Variants in SCEL observed in about 807,000 individuals in gnomAD.
SCEL encodes the protein sciellin.
In SCEL, 113 loss-of-function variants were observed where a neutral mutation model predicts 117.6. That is an observed-to-expected ratio of 0.96 (90% confidence interval 0.83 to 1.12). The LOEUF (loss-of-function observed/expected upper bound fraction) is 1.12. SCEL is among the 50% of genes most tolerant of loss of function. The pLI is 0.00. For synonymous variants in SCEL, 270 were observed against 256.2 expected (o/e 1.05, Z -0.51); for missense variants, 785 against 810.8 (o/e 0.97, Z 0.39).
intron 31 of SCEL, among the ~76,000 whole-genome samples, chr13:77,642,268 G>A (rs1202821697): frequency 6.6e-6 from 1 of 152,100 alleles, no homozygotes; most frequent in Non-Finnish European, 1.5e-5. Context: ...GCTTCTGAAA[G>A]CCAACCAATC....
Position 77,632,554 on chromosome 13 carries a change from T to G in SCEL, c.1692-1825T>G, listed in dbSNP as rs768529329. Among the ~76,000 whole-genome samples the G allele has an allele frequency of 9.7e-4, 148 of 152,350 alleles. 1 individual carries two copies. Among genetic ancestry groups the G allele is most frequent in the African/African-American group, 3.0e-3 (126 of 41,586 alleles). ...CCTTAAAACCAGACGGTTTTCTGTA[T>G]GCCAGAGATAATATGTGAACAAATG... On this transcript the variant is annotated intron_variant, in intron 28 of 32. Coordinates refer to ENST00000349847, the MANE Select transcript of SCEL (RefSeq NM_144777.3).
rs1000147775 is a variant in SCEL, at chr13:77,640,747, A to G, written c.1910A>G (p.Asp637Gly). The change falls in exon 31 of 33, where the codon GAT (aspartate) becomes GGT (glycine). Residue 637 changes from aspartate to glycine, a missense_variant. Coordinates refer to ENST00000349847, the MANE Select transcript of SCEL (RefSeq NM_144777.3). ...PLGVETKMIL[D>G]ELQICCHSTC... Reference sequence around the variant, plus strand: ...GGTGTAGAAACTAAAATGATTTTAGATGAATTACAAATTTGCTGCCATTCT... The same window carrying G: ...GGTGTAGAAACTAAAATGATTTTAGGTGAATTACAAATTTGCTGCCATTCT... The G allele has an allele frequency of 1.2e-6, 2 of 1,604,138 alleles. No homozygotes were observed. Among genetic ancestry groups the G allele is most frequent in the African/African-American group, 1.3e-5 (1 of 74,634 alleles).
chr13:77,630,321 A>C (rs2089967002), intron 28 of SCEL, among the ~76,000 whole-genome samples: 1 of 152,224 alleles, frequency 6.6e-6, no homozygotes, highest in Non-Finnish European at 1.5e-5. Flanking sequence ...TGTGACTATG[A>C]GTGAAATTAA....
chr13:77,565,790 A>C (rs2085255162), intron 5 of SCEL, among the ~76,000 whole-genome samples: 1 of 152,078 alleles, frequency 6.6e-6, no homozygotes, highest in South Asian at 2.1e-4. Flanking sequence ...AAGAGACATA[A>C]ATAAATGTGT....
At chr13:77,561,687 A>G (rs776219294) in intron 4 of SCEL, among the ~76,000 whole-genome samples, 4 of 152,230 alleles carry the variant, frequency 2.6e-5, no homozygotes, top group African/African-American at 4.8e-5. Context: ...AAATGAAAAT[A>G]CTAAAGTTTA....
rs551672340 is a variant in SCEL, at chr13:77,603,084, A to G, written c.1046A>G (p.Asp349Gly). The G allele has an allele frequency of 2.6e-5, 40 of 1,550,256 alleles. No homozygotes were observed. The South Asian group carries it at 4.7e-4, about 18-fold the overall frequency. ...AACTTTTTTTTTTAAAGAAGTGAAG[A>G]CCTTGATAATGCTACTGAAGTAAAT... ...RMNKTSRRSEDLDNATEVNPK... is the reference protein window; with the variant it reads ...RMNKTSRRSEGLDNATEVNPK... Residue 349 changes from aspartate to glycine, a missense_variant, in exon 18 of 33, where the codon GAC (aspartate) becomes GGC (glycine). Asp to Gly is a moderately conservative substitution (Grantham distance 94). Transcript: ENST00000349847.
rs755741313 is a variant in SCEL at position 77,637,251 on chromosome 13, CATAT to C, written c.1838+71_1838+74del. ...GTACACACATACAGACACACACACA[CATAT>C]ATATATATATATACACACACACAGG... is the stretch of plus-strand genomic sequence containing the variant. On this transcript the variant is annotated intron_variant, in intron 30 of 32. Coordinates refer to ENST00000349847, the MANE Select transcript of SCEL (RefSeq NM_144777.3). The C allele has an allele frequency of 8.1e-3, 3,316 of 409,362 alleles. 170 individuals carry two copies. The highest frequency in any genetic ancestry group is 0.013 in the South Asian group (359 of 26,876). 25.4% of individuals were successfully genotyped at this position (409,362 alleles called of 1,614,324 possible).
intron 5 of SCEL, 132 bp from the exon 6 acceptor site, chr13:77,567,548 G>T: frequency 1.6e-6 from 1 of 639,916 alleles, no homozygotes; most frequent in Admixed American, 3.2e-5. Flanking sequence ...TTTCTAAAAT[G>T]TAACACTTGA....
At position 77,642,822 on chromosome 13, in the gene SCEL, TC is replaced by T; in HGVS notation, c.2050+15del. On this transcript the variant is annotated intron_variant, in intron 32 of 32. Coordinates refer to ENST00000349847, the MANE Select transcript of SCEL (RefSeq NM_144777.3). Reference sequence around the variant, plus strand: ...CTAAAATTATGGGTAAGTGTTACACTCTAAGCATTTAACACTTTGGTTAACC... The same window carrying T: ...CTAAAATTATGGGTAAGTGTTACACTTAAGCATTTAACACTTTGGTTAACC... 1 of 1,407,800 alleles carries T rather than the reference TC, an allele frequency of 7.1e-7. No homozygotes were observed. The highest frequency in any genetic ancestry group is 9.8e-7 in the Non-Finnish European group (1 of 1,018,374). 87.2% of individuals were successfully genotyped at this position (1,407,800 alleles called of 1,614,324 possible). A position where few individuals can be genotyped will look rare whatever the true frequency, so the allele number is the denominator to read the frequency against.
At chr13:77,585,691 G>A (rs575152422) in intron 9 of SCEL, among the ~76,000 whole-genome samples, 3 of 152,048 alleles carry the variant, frequency 2.0e-5, no homozygotes, top group East Asian at 3.9e-4. Context: ...CCCCAGTCAG[G>A]TCATTTCTTA....
At position 77,567,774 on chromosome 13, in the gene SCEL, A is replaced by G. The variant is rs773047623; in HGVS notation, c.359+26A>G. 3.5e-6 allele frequency: 5 copies of G among 1,416,456 alleles called. No individual in the cohort carries two copies. In the African/African-American group the frequency reaches 7.2e-5, roughly 20 times the overall value. 87.7% of individuals were successfully genotyped at this position (1,416,456 alleles called of 1,614,324 possible). Reference sequence around the variant, plus strand: ...GTACCAGTATCTACTAACTATGGGAAAGGCTCAAGTATAATATTTTTCTAA... The same window carrying G: ...GTACCAGTATCTACTAACTATGGGAGAGGCTCAAGTATAATATTTTTCTAA... On this transcript the variant is annotated intron_variant, in intron 6 of 32. Coordinates refer to ENST00000349847, the MANE Select transcript of SCEL (RefSeq NM_144777.3).
At chr13:77,602,813 T>C (rs906968640) in intron 17 of SCEL, 100 bp downstream of exon 17, 1 of 1,019,806 alleles carries the variant, frequency 9.8e-7, no homozygotes, top group African/African-American at 1.6e-5. Flanking sequence ...CTCTCTTCTG[T>C]GTCTAATCCC....
At chr13:77,548,456 T>G (rs1174766513) in intron 1 of SCEL, among the ~76,000 whole-genome samples, 1 of 152,156 alleles carries the variant, frequency 6.6e-6, no homozygotes, top group Non-Finnish European at 1.5e-5. Context: ...ACATGGAAAG[T>G]TCTGGAGCAT....
At chr13:77,595,345 GA>G (rs1319753334) in intron 12 of SCEL, among the ~76,000 whole-genome samples, 1 of 152,154 alleles carries the variant, frequency 6.6e-6, no homozygotes, top group Non-Finnish European at 1.5e-5. Flanking sequence ...TGCTCTTTGT[GA>G]AATGGAATGT....
chr13:77,562,788 A>G (rs2154396611), intron 4 of SCEL, among the ~76,000 whole-genome samples: 1 of 152,334 alleles, frequency 6.6e-6, no homozygotes. Context: ...TTTTTGCACT[A>G]TTCCTAGCCC....
chr13:77,616,522 A>C (rs965886239), intron 24 of SCEL, among the ~76,000 whole-genome samples: 2 of 152,056 alleles, frequency 1.3e-5, no homozygotes, highest in African/African-American at 4.8e-5. Context: ...TGTTCAATTG[A>C]AAATATTATC....
intron 17 of SCEL, 68 bp downstream of exon 17, chr13:77,602,781 G>A (rs976127288): frequency 1.3e-5 from 17 of 1,356,844 alleles, no homozygotes; most frequent in Non-Finnish European, 1.7e-5. Context: ...GATATTGAGG[G>A]CACCACATCT....
intron 24 of SCEL, among the ~76,000 whole-genome samples, chr13:77,616,002 C>CTGTGTGTG (rs1272729598): frequency 6.1e-4 from 86 of 141,916 alleles, no homozygotes; most frequent in African/African-American, 1.4e-3. Context: ...ATTTATGTCT[C>CTGTGTGTG]TCTGTGTGTG....
chr13:77,558,603 C>T (rs1412782122), intron 3 of SCEL, among the ~76,000 whole-genome samples: 1 of 151,906 alleles, frequency 6.6e-6, no homozygotes, highest in African/African-American at 2.4e-5. Flanking sequence ...CACTTGGGGT[C>T]AGGAGTTTGA....
Sources: allele counts gnomAD v4.1 joint callset (sites outside exome capture counted in the v4.1 genomes callset), GRCh38; gene constraint gnomAD v4.1.1; transcripts MANE v1.5; gene names NCBI Gene and HGNC (gene_info 2026-07-23, HGNC 2026-07-21).